The following RPS6KB1 variants were observed in gnomAD, a reference collection of about 807,000 sequenced individuals.
The protein encoded by RPS6KB1 is ribosomal protein S6 kinase B1.
In RPS6KB1, 12 loss-of-function variants were observed where a neutral mutation model predicts 70.2. That is an observed-to-expected ratio of 0.17 (90% CI 0.11 to 0.28). The LOEUF (loss-of-function observed/expected upper bound fraction) is 0.28, where lower values mean the gene tolerates loss of function less well. RPS6KB1 is among the 10% of genes least tolerant of loss of function. RPS6KB1 has a pLI of 1.00. For missense variants in RPS6KB1, 270 were observed against 646.6 expected (o/e 0.42, Z 6.32); for synonymous variants, 175 against 211.2 (o/e 0.83, Z 1.49).
Position 59,904,699 on chromosome 17 carries a change from T to C in RPS6KB1, c.142-5863T>C, listed in dbSNP as rs1336483089. ...ATGAGCCACTGCACCTGGCATTCTG[T>C]TTTTTTTTTTTTTTTGAGGTGGAGT... is the stretch of plus-strand genomic sequence containing the variant. On this transcript the variant is annotated intron_variant, in intron 1 of 14. Transcript: ENST00000225577. Among the ~76,000 whole-genome samples, 5 of 129,280 alleles carry C rather than the reference T, an allele frequency of 3.9e-5. No individual in the cohort carries two copies. The East Asian group carries it at 1.1e-3, about 29-fold the overall frequency. The allele number at this position is 129,280 out of a possible 152,430, so 84.8% of individuals were successfully genotyped here.
chr17:59,934,741 G>C lies in RPS6KB1; in HGVS notation c.870+217G>C. ...AAATGATCTATGTCATGGCAGGCCT[G>C]TGAAATAGATGTTGAATAGATAATG... On this transcript the variant is annotated intron_variant, in intron 9 of 14. Transcript: ENST00000225577. This position sits in a 1 kb window ranked among gnomAD's most constrained non-coding sequence, Gnocchi z 4.8. The C allele has an allele frequency of 1.9e-6, 1 of 513,684 alleles. No individual in the cohort carries two copies. The highest frequency in any genetic ancestry group is 3.4e-6 in the Non-Finnish European group (1 of 292,094). 31.8% of individuals were successfully genotyped at this position (513,684 alleles called of 1,614,324 possible).
At position 59,947,813 on chromosome 17, in the gene RPS6KB1, T is replaced by G. The variant is rs543292701; in HGVS notation, c.*1025T>G. 75 of 492,600 alleles carry G rather than the reference T, an allele frequency of 1.5e-4. 1 individual carries two copies. The highest frequency in any genetic ancestry group is 1.2e-3 in the African/African-American group (62 of 50,398). The allele number at this position is 492,600 out of a possible 1,614,324, so 30.5% of individuals were successfully genotyped here. A position where few individuals can be genotyped will look rare whatever the true frequency, so the allele number is the denominator to read the frequency against. ...ACTGTGGTCGGCAAGGTGAGGGAGA[T>G]AGGGATATCCAGGGGAAGAGGGTGT... On this transcript the variant is annotated 3_prime_UTR_variant, in exon 15 of 15. Transcript: ENST00000225577.
intron 4 of RPS6KB1, among the ~76,000 whole-genome samples, chr17:59,921,418 T>C (rs1253525821): frequency 6.6e-6 from 1 of 152,164 alleles, no homozygotes; most frequent in Non-Finnish European, 1.5e-5. Flanking sequence ...GGCTTTCATT[T>C]CTAAATCCCC....
chr17:59,948,782 AG>A lies in RPS6KB1; in HGVS notation c.*1995del, dbSNP rs537603405. 7.7e-4 allele frequency: 118 copies of A among 152,714 alleles called. No individual in the cohort carries two copies. The highest frequency in any genetic ancestry group is 2.6e-3 in the African/African-American group (110 of 41,570). The allele number at this position is 152,714 out of a possible 1,614,324, so 9.5% of individuals were successfully genotyped here. On this transcript the variant is annotated 3_prime_UTR_variant, in exon 15 of 15. Coordinates refer to ENST00000225577, the MANE Select transcript of RPS6KB1 (RefSeq NM_003161.4). ...TTAAGGGCAGAAATTATACTTAAAAAGTGCAGATCCTTGTTCTTTGACAATT... is the reference window on the plus strand; with the variant it reads ...TTAAGGGCAGAAATTATACTTAAAAATGCAGATCCTTGTTCTTTGACAATT...
In RPS6KB1 at chr17:59,934,548, A is replaced by T. The variant is rs1455700407; in HGVS notation, c.870+24A>T. On this transcript the variant is annotated intron_variant, in intron 9 of 14. Transcript: ENST00000225577. This position sits in a 1 kb window ranked among gnomAD's most constrained non-coding sequence, Gnocchi z 4.8. ...CAGTAGGTGCACAGTTAAAAGCTGCATGTATTATTGGTCTGTGCTGAGTCA... is the reference window on the plus strand; with the variant it reads ...CAGTAGGTGCACAGTTAAAAGCTGCTTGTATTATTGGTCTGTGCTGAGTCA... The T allele has an allele frequency of 6.4e-7, 1 of 1,555,116 alleles. No individual in the cohort carries two copies. Among genetic ancestry groups the T allele is most frequent in the Admixed American group, 1.7e-5 (1 of 59,836 alleles).
In RPS6KB1 at chr17:59,948,833, C is replaced by T. The variant is rs1199915449; in HGVS notation, c.*2045C>T. The T allele has an allele frequency of 6.6e-6, 1 of 152,400 alleles. No homozygotes were observed. The highest frequency in any genetic ancestry group is 1.5e-5 in the Non-Finnish European group (1 of 67,968). The allele number at this position is 152,400 out of a possible 1,614,324, so 9.4% of individuals were successfully genotyped here. ...TTGTGATGTCTGAAAAAACAGAACC[C>T]GAAAAGCTATGGTGATATGTACAGG... On this transcript the variant is annotated 3_prime_UTR_variant, in exon 15 of 15. Transcript: ENST00000225577.
chr17:59,943,785 G>A (rs974444137), intron 13 of RPS6KB1, among the ~76,000 whole-genome samples: 3 of 150,288 alleles, frequency 2.0e-5, no homozygotes, highest in African/African-American at 2.5e-5. Context: ...CAGGAGAATC[G>A]CTTGAACCCG....
intron 1 of RPS6KB1, among the ~76,000 whole-genome samples, chr17:59,902,896 G>A (rs904907792): frequency 2.0e-5 from 3 of 152,064 alleles, no homozygotes; most frequent in Non-Finnish European, 4.4e-5. Flanking sequence ...AAACCTTTTA[G>A]AAGGCTGGGT....
In RPS6KB1 at chr17:59,939,474, T is replaced by A. The variant is rs543189620; in HGVS notation, c.1120-1362T>A. Among the ~76,000 whole-genome samples the A allele has an allele frequency of 1.6e-4, 25 of 152,176 alleles. 1 individual carries two copies. The highest frequency in any genetic ancestry group is 1.6e-3 in the Admixed American group (25 of 15,262). ...TTTGTGTTTCTGGTAGAGACGGGGTTTTGCCGTGTTCACCAGGCTGGTCTT... is the reference window on the plus strand; with the variant it reads ...TTTGTGTTTCTGGTAGAGACGGGGTATTGCCGTGTTCACCAGGCTGGTCTT... On this transcript the variant is annotated intron_variant, in intron 12 of 14. Transcript: ENST00000225577.
chr17:59,915,610 C>CATGA, intron 4 of RPS6KB1, among the ~76,000 whole-genome samples: 1 of 150,762 alleles, frequency 6.6e-6, no homozygotes, highest in East Asian at 2.0e-4. Context: ...GGATTACAGG[C>CATGA]GCCTACCACC....
intron 7 of RPS6KB1, among the ~76,000 whole-genome samples, chr17:59,933,588 G>A (rs2044068967): frequency 6.6e-6 from 1 of 152,160 alleles, no homozygotes; most frequent in Non-Finnish European, 1.5e-5. Flanking sequence ...CTTTGTGTAA[G>A]GTGGTAAGTT....
At position 59,893,642 on chromosome 17, in the gene RPS6KB1, A is replaced by G. The variant is rs1598607723; in HGVS notation, c.141+317A>G. 6.6e-6 allele frequency among the ~76,000 whole-genome samples: 1 copy of G among 152,090 alleles called. No individual in the cohort carries two copies. The highest frequency in any genetic ancestry group is 2.1e-4 in the South Asian group (1 of 4,828). ...AGTGTGGCGGGGAGCGGGTGGCGTG[A>G]GCGTGTGTTGGGGAGACGGGGGCTG... On this transcript the variant is annotated intron_variant, in intron 1 of 14. Transcript: ENST00000225577. The surrounding 1 kb of genome is among the most constrained non-coding windows in gnomAD (Gnocchi z 4.1).
chr17:59,911,720 T>G (rs776077908), intron 2 of RPS6KB1, among the ~76,000 whole-genome samples: 6 of 151,446 alleles, frequency 4.0e-5, no homozygotes, highest in Non-Finnish European at 8.8e-5. Context: ...AATTTTTGTA[T>G]TTTTAATAGA....
chr17:59,893,954 C>G lies in RPS6KB1; in HGVS notation c.141+629C>G. The G allele has an allele frequency of 1.0e-6, 1 of 979,052 alleles. No homozygotes were observed. Among genetic ancestry groups the G allele is most frequent in the Non-Finnish European group, 1.2e-6 (1 of 824,794 alleles). 60.6% of individuals were successfully genotyped at this position (979,052 alleles called of 1,614,324 possible). A position where few individuals can be genotyped will look rare whatever the true frequency, so the allele number is the denominator to read the frequency against. On this transcript the variant is annotated intron_variant, in intron 1 of 14. Transcript: ENST00000225577. The surrounding 1 kb of genome is among the most constrained non-coding windows in gnomAD (Gnocchi z 4.1). ...GTTTGTTTGCTTTTTTTTTTTTACC[C>G]CCTTCCGTGTGACTTTTTAAAATAA... is the stretch of plus-strand genomic sequence containing the variant.
chr17:59,947,858 T>TAAAGAGATTAGA lies in RPS6KB1; in HGVS notation c.*1070_*1071insAAAGAGATTAGA. 1 of 414,192 alleles carries TAAAGAGATTAGA rather than the reference T, an allele frequency of 2.4e-6. No individual in the cohort carries two copies. The highest frequency in any genetic ancestry group is 4.4e-6 in the Non-Finnish European group (1 of 227,866). 25.7% of individuals were successfully genotyped at this position (414,192 alleles called of 1,614,324 possible). On this transcript the variant is annotated 3_prime_UTR_variant, in exon 15 of 15. Coordinates refer to ENST00000225577, the MANE Select transcript of RPS6KB1 (RefSeq NM_003161.4). Reference sequence around the variant, plus strand: ...GGGTGTTGCTGTGGCCCACTCTCTGTCTAATCTCTTTACAGCAAATTGGTA... The same window carrying TAAAGAGATTAGA: ...GGGTGTTGCTGTGGCCCACTCTCTGTAAAGAGATTAGACTAATCTCTTTACAGCAAATTGGTA...
chr17:59,949,581 G>A lies in RPS6KB1; in HGVS notation c.*2793G>A, dbSNP rs530937181. 2.0e-5 allele frequency: 3 copies of A among 152,448 alleles called. No individual in the cohort carries two copies. Among genetic ancestry groups the A allele is most frequent in the South Asian group, 2.1e-4 (1 of 4,814 alleles). The allele number at this position is 152,448 out of a possible 1,614,324, so 9.4% of individuals were successfully genotyped here. A position where few individuals can be genotyped will look rare whatever the true frequency, so the allele number is the denominator to read the frequency against. On this transcript the variant is annotated 3_prime_UTR_variant, in exon 15 of 15. Transcript: ENST00000225577. ...TAGCATTACAGAATAACTAAACTGG[G>A]ATTTATAAACCAGCTGTGATTAACA... is the stretch of plus-strand genomic sequence containing the variant.
intron 13 of RPS6KB1, among the ~76,000 whole-genome samples, chr17:59,943,310 A>T (rs1052931601): frequency 2.6e-5 from 4 of 152,146 alleles, no homozygotes; most frequent in Non-Finnish European, 4.4e-5. Context: ...TGTGGAATTT[A>T]TACCTTTGAT....
At chr17:59,900,975 A>G (rs1409194476) in intron 1 of RPS6KB1, among the ~76,000 whole-genome samples, 8 of 151,542 alleles carry the variant, frequency 5.3e-5, no homozygotes, top group Non-Finnish European at 1.0e-4. Flanking sequence ...TAGCCTGGCC[A>G]ACATGGTAAA....
chr17:59,940,700 T>C, intron 12 of RPS6KB1, 136 bp from the exon 13 acceptor site: 1 of 461,672 alleles, frequency 2.2e-6, no homozygotes, highest in Non-Finnish European at 3.8e-6. Context: ...TTTTTCTTCA[T>C]TCTGTGCCTG....
Sources: gnomAD v4.1 joint callset for allele counts (sites outside exome capture counted in the v4.1 genomes callset) on GRCh38, gnomAD v4.1.1 for gene constraint, Gnocchi (gnomAD v3.1) non-coding constraint, MANE v1.5 for transcripts, NCBI Gene and HGNC (gene_info 2026-07-23, HGNC 2026-07-21) for gene names.